GSN: variants seen among roughly 807,000 people sequenced by gnomAD.
GSN encodes actin-depolymerizing factor.
Under a neutral mutation model 85.7 loss-of-function variants are expected in GSN, and 56 were observed. That is an observed-to-expected ratio of 0.65 (90% confidence interval 0.53 to 0.82). The LOEUF (loss-of-function observed/expected upper bound fraction) is 0.82, where lower values mean the gene tolerates loss of function less well. Ranked by LOEUF, GSN falls within the 40% of genes least tolerant of loss-of-function variation. GSN has a pLI of 0.00. For missense variants in GSN, 857 were observed against 979.8 expected (o/e 0.87, Z 1.67); for synonymous variants, 373 against 399.1 (o/e 0.93, Z 0.78).
Position 121,281,493 on chromosome 9 carries a change from C to T in GSN, c.-79C>T, listed in dbSNP as rs1380401129. ...AGGTAGTGCTCATAGCTCTCTTTGT[C>T]CAGTGCTTCGGCCTTGGTCCCAGCG... On this transcript the variant is annotated 5_prime_UTR_variant, in exon 2 of 18. Transcript: ENST00000432226. The T allele has an allele frequency of 7.7e-6, 3 of 388,504 alleles. No individual in the cohort carries two copies. Among genetic ancestry groups the T allele is most frequent in the African/African-American group, 6.3e-5 (3 of 47,260 alleles). 24.1% of individuals were successfully genotyped at this position (388,504 alleles called of 1,614,324 possible).
At chr9:121,255,425 G>A (rs531094350) in intron 6 of GSN, among the ~76,000 whole-genome samples, 12 of 152,154 alleles carry the variant, frequency 7.9e-5, no homozygotes, top group Admixed American at 4.6e-4. Flanking sequence ...TTATAGAGAC[G>A]GGATATTACT....
chr9:121,301,488 T>G (rs2059834624), intron 2 of GSN, among the ~76,000 whole-genome samples: 1 of 151,916 alleles, frequency 6.6e-6, no homozygotes, highest in Admixed American at 6.6e-5. Flanking sequence ...TAGCCAGGCA[T>G]AGTATCGCAT....
intron 2 of GSN, among the ~76,000 whole-genome samples, chr9:121,295,294 C>G (rs1436472339): frequency 1.3e-5 from 2 of 152,206 alleles, no homozygotes; most frequent in Non-Finnish European, 2.9e-5. Flanking sequence ...TTTCCAGGCC[C>G]TGTTCAGTTC....
At chr9:121,287,828 C>T (rs2058302153) in intron 2 of GSN, among the ~76,000 whole-genome samples, 2 of 152,114 alleles carry the variant, frequency 1.3e-5, no homozygotes, top group Non-Finnish European at 2.9e-5. Flanking sequence ...CAACCATCAT[C>T]ACAATCCAGT....
chr9:121,266,314 C>G (rs1391537028), upstream of GSN, among the ~76,000 whole-genome samples: 1 of 152,184 alleles, frequency 6.6e-6, no homozygotes, highest in East Asian at 1.9e-4. Flanking sequence ...CTCCCTTTGT[C>G]TGAGAGCAGT....
At chr9:121,288,127 G>A (rs2058335081) in intron 2 of GSN, among the ~76,000 whole-genome samples, 1 of 151,968 alleles carries the variant, frequency 6.6e-6, no homozygotes, top group Non-Finnish European at 1.5e-5. Context: ...GGGACTTGTG[G>A]TGATGCCCAG....
chr9:121,305,125 A>G (rs1473305045), intron 4 of GSN, among the ~76,000 whole-genome samples: 1 of 152,224 alleles, frequency 6.6e-6, no homozygotes, highest in Non-Finnish European at 1.5e-5. Context: ...TCCAGGTCAG[A>G]GAATGTTGCA....
chr9:121,299,951 G>A lies in GSN; in HGVS notation c.-9-2012G>A, dbSNP rs1326201471. On this transcript the variant is annotated intron_variant, in intron 2 of 17. Coordinates refer to ENST00000432226, the MANE Select transcript of GSN (RefSeq NM_198252.3). This position sits in a 1 kb window ranked among gnomAD's most constrained non-coding sequence, Gnocchi z 4.2. Reference sequence around the variant, plus strand: ...CGCTGCCCGTCCGCGCGGCCACTGCGTCGCGGGGGGCGTCCCAGGCGGGGG... The same window carrying A: ...CGCTGCCCGTCCGCGCGGCCACTGCATCGCGGGGGGCGTCCCAGGCGGGGG... 24 of 1,268,592 alleles carry A rather than the reference G, an allele frequency of 1.9e-5. No individual in the cohort carries two copies. The highest frequency in any genetic ancestry group is 2.3e-5 in the Non-Finnish European group (23 of 1,005,890). The allele number at this position is 1,268,592 out of a possible 1,614,324, so 78.6% of individuals were successfully genotyped here. A position where few individuals can be genotyped will look rare whatever the true frequency, so the allele number is the denominator to read the frequency against.
chr9:121,201,836 C>G, the GSN span: 1 of 152,426 alleles, frequency 6.6e-6, no homozygotes, highest in South Asian at 2.1e-4. Flanking sequence ...TGCTCCTGTG[C>G]TCCCTCAGTA....
chr9:121,265,138 C>T (rs2055171906), upstream of GSN: 1 of 152,270 alleles, frequency 6.6e-6, no homozygotes, highest in Admixed American at 6.5e-5. Context: ...ATCCCTGTCT[C>T]ATCCTCTGCT....
intron 6 of GSN, among the ~76,000 whole-genome samples, chr9:121,255,297 G>T (rs1449383910): frequency 2.0e-5 from 3 of 152,174 alleles, no homozygotes; most frequent in African/African-American, 7.2e-5. Flanking sequence ...AGTCTAGAGT[G>T]CAGTGGCACA....
At chr9:121,263,621 T>G (rs1395702397), upstream of GSN, among the ~76,000 whole-genome samples, 1 of 152,036 alleles carries the variant, frequency 6.6e-6, no homozygotes. Flanking sequence ...CTGGGCAAGA[T>G]GGCTCACGCC....
At chr9:121,253,315 C>T in intron 6 of GSN, among the ~76,000 whole-genome samples, 1 of 152,204 alleles carries the variant, frequency 6.6e-6, no homozygotes, top group East Asian at 1.9e-4. Context: ...CAACTGCCAT[C>T]CAGATTGTCC....
At chr9:121,307,813 G>C (rs1030059368) in intron 4 of GSN, among the ~76,000 whole-genome samples, 1 of 152,154 alleles carries the variant, frequency 6.6e-6, no homozygotes, top group Non-Finnish European at 1.5e-5. Context: ...CTCTGGGCAG[G>C]CTTGGTTACA....
intron 14 of GSN, 71 bp from the exon 15 acceptor site, chr9:121,328,820 C>T: frequency 6.4e-7 from 1 of 1,551,072 alleles, no homozygotes; most frequent in Non-Finnish European, 8.8e-7. Context: ...CAGGGCTGGT[C>T]CCAGGGTCCG....
intron 1 of GSN, 86 bp from the exon 2 acceptor site, chr9:121,281,384 G>A (rs1458978162): frequency 5.6e-6 from 2 of 355,678 alleles, no homozygotes; most frequent in Admixed American, 7.9e-5. Flanking sequence ...TGGAGGGGAG[G>A]AAAGGGGTTG....
chr9:121,329,987 G>C lies in GSN; in HGVS notation c.1965+672G>C, dbSNP rs1463059602. 6.6e-6 allele frequency among the ~76,000 whole-genome samples: 1 copy of C among 152,186 alleles called. No individual in the cohort carries two copies. Among genetic ancestry groups the C allele is most frequent in the African/African-American group, 2.4e-5 (1 of 41,410 alleles). Reference sequence around the variant, plus strand: ...CTCCCAGAGTCCTCAGAGTTACGGAGCAGCTGGCCACGAAGGCATAAGACT... The same window carrying C: ...CTCCCAGAGTCCTCAGAGTTACGGACCAGCTGGCCACGAAGGCATAAGACT... On this transcript the variant is annotated intron_variant, in intron 16 of 17. Coordinates refer to ENST00000432226, the MANE Select transcript of GSN (RefSeq NM_198252.3). This position sits in a 1 kb window ranked among gnomAD's most constrained non-coding sequence, Gnocchi z 4.6.
At chr9:121,301,929 T>C (rs1275366495) in intron 2 of GSN, 34 bp from the exon 3 acceptor site, 2 of 1,613,808 alleles carry the variant, frequency 1.2e-6, no homozygotes, top group African/African-American at 1.3e-5. Context: ...GCCAGGACCC[T>C]GCCCCGCTTA....
chr9:121,236,048 G>C (rs955176648), intron 5 of GSN, among the ~76,000 whole-genome samples: 4 of 152,260 alleles, frequency 2.6e-5, no homozygotes, highest in African/African-American at 9.6e-5. Flanking sequence ...CTGAAATCAA[G>C]GTGTCCACAG....
Sources: allele counts gnomAD v4.1 joint callset (sites outside exome capture counted in the v4.1 genomes callset), GRCh38; gene constraint gnomAD v4.1.1; non-coding constraint Gnocchi (gnomAD v3.1); transcripts MANE v1.5; gene names NCBI Gene and HGNC (gene_info 2026-07-23, HGNC 2026-07-21).